SEC14L1: variants seen among roughly 807,000 people sequenced by gnomAD.
The protein encoded by SEC14L1 is SEC14 like lipid binding 1.
SEC14L1 carries 48 observed loss-of-function variants against 85.3 expected under a neutral mutation model. The observed-to-expected ratio is 0.56, with a 90% CI of 0.45 to 0.72. The LOEUF is 0.72. Among genes scored for constraint, SEC14L1 ranks in the 30% least tolerant of loss-of-function variants. The pLI is 0.00. For missense variants in SEC14L1, 682 were observed against 921.4 expected, an observed-to-expected ratio of 0.74 and a Z score of 3.36; for synonymous variants, 391 against 355.5, an observed-to-expected ratio of 1.10 and a Z score of -1.12.
rs1972309116 is a variant in SEC14L1 at position 77,121,950 on chromosome 17, A to G, written c.-135-20696A>G. On this transcript the variant is annotated intron_variant, in intron 3 of 19. Transcript: ENST00000392476. ...AGACATTCAGCTAAGCCTGAGGAACACCACAGTTTGCTCATCTGGGCTTAA... is the reference window on the plus strand; with the variant it reads ...AGACATTCAGCTAAGCCTGAGGAACGCCACAGTTTGCTCATCTGGGCTTAA... Among the ~76,000 whole-genome samples, 4 of 152,300 alleles carry G rather than the reference A, an allele frequency of 2.6e-5. No individual in the cohort carries two copies. In the South Asian group the frequency reaches 8.3e-4, roughly 32 times the overall value.
chr17:77,139,325 C>T (rs1476228864), upstream of SEC14L1, among the ~76,000 whole-genome samples: 1 of 151,982 alleles, frequency 6.6e-6, no homozygotes, highest in Non-Finnish European at 1.5e-5. Context: ...GCATCTGGCA[C>T]CACACCCGGC....
In SEC14L1 at chr17:77,095,416, C is replaced by T. The variant is rs763439606; in HGVS notation, c.-136+2069C>T. Among the ~76,000 whole-genome samples, 11 of 152,188 alleles carry T rather than the reference C, an allele frequency of 7.2e-5. No homozygotes were observed. The East Asian group carries it at 1.2e-3, about 16-fold the overall frequency. ...AGGCTGAACCTTCCCAGGAATCCTC[C>T]ACCTTCAGGGTGCCACCTTGTCTCT... is the stretch of plus-strand genomic sequence containing the variant. On this transcript the variant is annotated intron_variant, in intron 3 of 19. Coordinates refer to the SEC14L1 transcript ENST00000392476.
At chr17:77,135,794 G>T (rs1972778062) in intron 3 of SEC14L1, among the ~76,000 whole-genome samples, 1 of 151,900 alleles carries the variant, frequency 6.6e-6, no homozygotes, top group Admixed American at 6.6e-5. Context: ...TTCCAACTTG[G>T]CTTCCCAAAG....
chr17:77,116,145 C>G (rs1972167896), intron 3 of SEC14L1, among the ~76,000 whole-genome samples: 1 of 152,068 alleles, frequency 6.6e-6, no homozygotes, highest in East Asian at 1.9e-4. Flanking sequence ...GTCTCAAACT[C>G]CTGAGCTCAA....
intron 3 of SEC14L1, among the ~76,000 whole-genome samples, chr17:77,105,655 A>G (rs1247653022): frequency 1.3e-5 from 2 of 152,200 alleles, no homozygotes; most frequent in East Asian, 1.9e-4. Flanking sequence ...AGAAAGATTC[A>G]CAGGAGAAAA....
At chr17:77,198,097 C>T (rs373210994) in intron 8 of SEC14L1, among the ~76,000 whole-genome samples, 6 of 152,316 alleles carry the variant, frequency 3.9e-5, no homozygotes, top group East Asian at 3.9e-4. Flanking sequence ...ATAAACTACA[C>T]TAAAATGCCT....
chr17:77,096,385 T>C (rs10438707), intron 3 of SEC14L1, among the ~76,000 whole-genome samples: 2,514 of 138,098 alleles, frequency 0.018, no homozygotes, highest in East Asian at 0.1. Flanking sequence ...GCTGAAACCC[T>C]GTCTCTACTA....
chr17:77,193,340 G>C lies in SEC14L1; in HGVS notation c.346-81G>C. On this transcript the variant is annotated intron_variant, in intron 5 of 16. Transcript: ENST00000436233. ...TTAGTAACGTAAGTGTTTTTTTCTG[G>C]TTACTGGTTAAACTGAGGAGCAGGC... The C allele has an allele frequency of 7.3e-7, 1 of 1,374,486 alleles. No individual in the cohort carries two copies. The highest frequency in any genetic ancestry group is 1.5e-5 in the African/African-American group (1 of 68,782). 85.1% of individuals were successfully genotyped at this position (1,374,486 alleles called of 1,614,324 possible). A position where few individuals can be genotyped will look rare whatever the true frequency, so the allele number is the denominator to read the frequency against.
Position 77,159,854 on chromosome 17 carries a change from A to T in SEC14L1, c.63+16195A>T, listed in dbSNP as rs1205267264. 8.7e-5 allele frequency among the ~76,000 whole-genome samples: 13 copies of T among 149,848 alleles called. No homozygotes were observed. In the East Asian group the frequency reaches 2.5e-3, roughly 29 times the overall value. ...AGCATGTAAAAGCTGGTGTGGAATG[A>T]TGAGCTGAGTGGTGACCCACTTAAA... is the stretch of plus-strand genomic sequence containing the variant. On this transcript the variant is annotated intron_variant, in intron 3 of 16. Transcript: ENST00000436233.
At chr17:77,207,182 A>G (rs1304223957) in intron 13 of SEC14L1, among the ~76,000 whole-genome samples, 1 of 152,148 alleles carries the variant, frequency 6.6e-6, no homozygotes, top group East Asian at 1.9e-4. Context: ...CATATTTTCT[A>G]AAATACTGTT....
chr17:77,211,998 G>T lies in SEC14L1; in HGVS notation c.1660G>T (p.Asp554Tyr). 1 of 1,614,080 alleles carries T rather than the reference G, an allele frequency of 6.2e-7. No individual in the cohort carries two copies. Among genetic ancestry groups the T allele is most frequent in the Non-Finnish European group, 8.5e-7 (1 of 1,180,024 alleles). ...DASSVITWDF[D>Y]VCKGDIVFNI... ...CTCGTCAGTCATCACTTGGGATTTC[G>T]ACGTGTGCAAAGGGGACATTGTGTT... Residue 554 changes from aspartate (D) to tyrosine (Y), a missense_variant, in exon 15 of 17, where the codon GAC (aspartate) becomes TAC (tyrosine). By Grantham distance (160) the Asp-to-Tyr change is radical (BLOSUM62 -3). This residue lies in a region of SEC14L1 where 420 missense variants were observed against 619.5 expected (regional missense o/e 0.68). Coordinates refer to ENST00000436233, the MANE Select transcript of SEC14L1 (RefSeq NM_001143998.2).
chr17:77,189,689 C>A (rs1040029862), intron 3 of SEC14L1, among the ~76,000 whole-genome samples: 3 of 152,102 alleles, frequency 2.0e-5, no homozygotes, highest in Non-Finnish European at 4.4e-5. Context: ...AGTGCAGTGG[C>A]GCGATCTCGG....
chr17:77,118,912 A>G (rs1280477548), intron 3 of SEC14L1, among the ~76,000 whole-genome samples: 1 of 152,184 alleles, frequency 6.6e-6, no homozygotes, highest in Non-Finnish European at 1.5e-5. Context: ...CTTCAGCGGG[A>G]TGAAGGAAGC....
At chr17:77,150,198 G>T (rs975266756) in intron 3 of SEC14L1, among the ~76,000 whole-genome samples, 1 of 152,116 alleles carries the variant, frequency 6.6e-6, no homozygotes, top group African/African-American at 2.4e-5. Context: ...TTCCCATTAA[G>T]ACCGGAGGAA....
At chr17:77,119,468 C>G (rs916652684) in intron 3 of SEC14L1, among the ~76,000 whole-genome samples, 4 of 152,024 alleles carry the variant, frequency 2.6e-5, no homozygotes, top group African/African-American at 9.7e-5. Flanking sequence ...TTAAATTAAA[C>G]AAAGTTAGAT....
chr17:77,134,812 T>C (rs1230712470), intron 3 of SEC14L1, among the ~76,000 whole-genome samples: 1 of 152,240 alleles, frequency 6.6e-6, no homozygotes, highest in Admixed American at 6.5e-5. Context: ...CAGGTTGGTC[T>C]TGAACTCCTG....
chr17:77,191,733 G>A (rs1975550617), intron 5 of SEC14L1, among the ~76,000 whole-genome samples: 1 of 151,528 alleles, frequency 6.6e-6, no homozygotes, highest in Admixed American at 6.6e-5. Flanking sequence ...AGTAAAGATG[G>A]GGTTTCACCG....
chr17:77,214,174 C>G lies in SEC14L1; in HGVS notation c.*151C>G. 7.0e-7 allele frequency: 1 copy of G among 1,420,846 alleles called. No individual in the cohort carries two copies. Among genetic ancestry groups the G allele is most frequent in the East Asian group, 2.6e-5 (1 of 38,996 alleles). The allele number at this position is 1,420,846 out of a possible 1,614,324, so 88.0% of individuals were successfully genotyped here. Reference sequence around the variant, plus strand: ...CAGATGGTAAACGTAGTCGTTTGATCCCAAAACTACCTTGGCAGGTAGTTT... The same window carrying G: ...CAGATGGTAAACGTAGTCGTTTGATGCCAAAACTACCTTGGCAGGTAGTTT... On this transcript the variant is annotated 3_prime_UTR_variant, in exon 17 of 17. Coordinates refer to ENST00000436233, the MANE Select transcript of SEC14L1 (RefSeq NM_001143998.2).
At chr17:77,134,490 G>T (rs1393068561) in intron 3 of SEC14L1, among the ~76,000 whole-genome samples, 3 of 152,110 alleles carry the variant, frequency 2.0e-5, no homozygotes. Context: ...GGTGGAGGTG[G>T]GTGATCACTT....
Sources: gnomAD v4.1 joint callset for allele counts (sites outside exome capture counted in the v4.1 genomes callset) on GRCh38, gnomAD v4.1.1 for gene constraint, gnomAD v4.1.1 regional missense constraint, MANE v1.5 for transcripts, NCBI Gene and HGNC (gene_info 2026-07-23, HGNC 2026-07-21) for gene names.